SPAG17: variants seen among roughly 807,000 people sequenced by gnomAD.
SPAG17 encodes the protein sperm associated antigen 17.
Under a neutral mutation model 273.6 loss-of-function variants are expected in SPAG17, and 169 were observed. That is an observed-to-expected ratio of 0.62 (90% CI 0.55 to 0.70). The LOEUF is 0.70. SPAG17 is among the 30% of genes least tolerant of loss of function. SPAG17 has a pLI of 0.00. For synonymous variants in SPAG17, 825 were observed against 873.2 expected (o/e 0.94, Z 0.97); for missense variants, 2,557 against 2,627.8 (o/e 0.97, Z 0.59).
At position 118,099,744 on chromosome 1, in the gene SPAG17, G is replaced by A; in HGVS notation, c.691C>T (p.Pro231Ser). The A allele has an allele frequency of 6.2e-7, 1 of 1,613,398 alleles. No homozygotes were observed. The highest frequency in any genetic ancestry group is 8.5e-7 in the Non-Finnish European group (1 of 1,179,888). Residue 231 changes from proline (P) to serine (S), a missense_variant, in exon 6 of 49, where the codon CCT (proline) becomes TCT (serine). Pro to Ser is a moderately conservative substitution (Grantham distance 74). Transcript: ENST00000336338. The stretch of plus-strand genomic sequence containing the variant: ...TCAGCCATAATTGCTAATAGCTGAG[G>A]ATTGTTAAAGCCCACAACTATAATG... Reference protein sequence around the residue: ...HYIIVVGFNNPQLLAIMAELG... With the variant: ...HYIIVVGFNNSQLLAIMAELG...
intron 1 of SPAG17, among the ~76,000 whole-genome samples, chr1:118,152,011 T>C (rs1659414850): frequency 6.6e-6 from 1 of 152,214 alleles, no homozygotes; most frequent in African/African-American, 2.4e-5. Context: ...TTGTTTATTG[T>C]AATTGTAATT....
At chr1:118,078,268 T>C (rs2102131308) in intron 15 of SPAG17, among the ~76,000 whole-genome samples, 1 of 152,252 alleles carries the variant, frequency 6.6e-6, no homozygotes, top group Non-Finnish European at 1.5e-5. Flanking sequence ...TCTTAAAATT[T>C]ATTTTTTCTT....
intron 30 of SPAG17, 54 bp downstream of exon 30, chr1:118,012,174 A>G: frequency 6.4e-7 from 1 of 1,555,054 alleles, no homozygotes; most frequent in Non-Finnish European, 8.8e-7. Context: ...ATTCTATCTA[A>G]CTTACGCTAA....
chr1:118,119,893 A>G (rs1404043888), intron 3 of SPAG17, among the ~76,000 whole-genome samples: 1 of 152,210 alleles, frequency 6.6e-6, no homozygotes, highest in Non-Finnish European at 1.5e-5. Flanking sequence ...TTTTACATAA[A>G]AACACATCCA....
chr1:118,154,764 T>C (rs541518440), intron 1 of SPAG17, among the ~76,000 whole-genome samples: 33 of 152,144 alleles, frequency 2.2e-4, no homozygotes, highest in Non-Finnish European at 3.7e-4. Flanking sequence ...AAAACAAGGG[T>C]AGACCATTGT....
chr1:118,065,013 G>A (rs943064119), intron 18 of SPAG17, among the ~76,000 whole-genome samples: 1 of 151,926 alleles, frequency 6.6e-6, no homozygotes, highest in African/African-American at 2.4e-5. Context: ...GATAAAAGGA[G>A]AAAGAGTTAG....
intron 20 of SPAG17, among the ~76,000 whole-genome samples, chr1:118,053,439 A>C (rs1338224027): frequency 6.6e-6 from 1 of 152,090 alleles, no homozygotes; most frequent in Non-Finnish European, 1.5e-5. Context: ...GAAACAGAAC[A>C]CAACATTCAA....
intron 48 of SPAG17, 145 bp downstream of exon 48, chr1:117,963,654 G>C: frequency 1.4e-6 from 1 of 693,092 alleles, no homozygotes; most frequent in Non-Finnish European, 2.2e-6. Context: ...GTGAGCCACC[G>C]GGCCCGGCCT....
At chr1:118,136,587 C>T (rs901147543) in intron 3 of SPAG17, among the ~76,000 whole-genome samples, 1 of 152,140 alleles carries the variant, frequency 6.6e-6, no homozygotes, top group African/African-American at 2.4e-5. Context: ...TCTTAAATCA[C>T]ATCACACGGC....
chr1:118,043,227 T>C (rs893423650), intron 20 of SPAG17, among the ~76,000 whole-genome samples: 1 of 152,204 alleles, frequency 6.6e-6, no homozygotes, highest in African/African-American at 2.4e-5. Flanking sequence ...GAAAAGGCAG[T>C]ATTTGAACAG....
At chr1:118,074,770 A>C (rs1164272992) in intron 15 of SPAG17, among the ~76,000 whole-genome samples, 170 bp from the exon 16 acceptor site, 3 of 152,228 alleles carry the variant, frequency 2.0e-5, no homozygotes, top group African/African-American at 7.2e-5. Flanking sequence ...CATAATTCTA[A>C]ATCTGTGCCT....
At chr1:118,147,035 G>C (rs920437641) in intron 3 of SPAG17, among the ~76,000 whole-genome samples, 1 of 152,064 alleles carries the variant, frequency 6.6e-6, no homozygotes, top group Admixed American at 6.6e-5. Flanking sequence ...TGTCTCTCAA[G>C]AACTTCACTA....
intron 1 of SPAG17, among the ~76,000 whole-genome samples, chr1:118,164,168 A>AGT (rs1254910285): frequency 2.6e-5 from 4 of 152,122 alleles, no homozygotes; most frequent in Non-Finnish European, 5.9e-5. Context: ...CTCCCATGCT[A>AGT]TTGCCTCTGC....
At chr1:118,152,488 T>C (rs1159254402) in intron 1 of SPAG17, among the ~76,000 whole-genome samples, 1 of 152,220 alleles carries the variant, frequency 6.6e-6, no homozygotes, top group Non-Finnish European at 1.5e-5. Context: ...TTAGTATTAA[T>C]TCTTTCTTAC....
intron 1 of SPAG17, among the ~76,000 whole-genome samples, chr1:118,170,235 G>T (rs995694838): frequency 6.6e-6 from 1 of 152,050 alleles, no homozygotes; most frequent in African/African-American, 2.4e-5. Context: ...AATTATTTTG[G>T]GGGACATATA....
At chr1:118,101,536 A>G (rs1656061639) in intron 5 of SPAG17, among the ~76,000 whole-genome samples, 1 of 152,220 alleles carries the variant, frequency 6.6e-6, no homozygotes, top group Non-Finnish European at 1.5e-5. Flanking sequence ...GGAAAGACTA[A>G]GCATAGTTAT....
chr1:117,960,109 C>CGTGTGTGTGTGTGTGTGTGTGT (rs3059173), intron 48 of SPAG17: 1 of 144,402 alleles, frequency 6.9e-6, no homozygotes, highest in Non-Finnish European at 1.5e-5. Flanking sequence ...TTAATACACT[C>CGTGTGTGTGTGTGTGTGTGTGT]GTGTGTGTGT....
chr1:117,987,885 T>C lies in SPAG17; in HGVS notation c.5622-4A>G, dbSNP rs572937315. 8.7e-6 allele frequency: 14 copies of C among 1,610,892 alleles called. No individual in the cohort carries two copies. The East Asian group carries it at 3.1e-4, about 36-fold the overall frequency. ...GCGTTTTGAGGATGCTGTGTGTCTATGTGAAAGGAAAGGAAAGTATGGTGA... is the reference window on the plus strand; with the variant it reads ...GCGTTTTGAGGATGCTGTGTGTCTACGTGAAAGGAAAGGAAAGTATGGTGA... On this transcript the variant is annotated splice_polypyrimidine_tract_variant and splice_region_variant and intron_variant, in intron 39 of 48. Transcript: ENST00000336338.
At chr1:118,161,560 C>G (rs928429410) in intron 1 of SPAG17, among the ~76,000 whole-genome samples, 1 of 151,828 alleles carries the variant, frequency 6.6e-6, no homozygotes, top group Non-Finnish European at 1.5e-5. Flanking sequence ...TTTTTTTAGA[C>G]GTAGTCTCGC....
Sources: allele counts gnomAD v4.1 joint callset (sites outside exome capture counted in the v4.1 genomes callset), GRCh38; gene constraint gnomAD v4.1.1; transcripts MANE v1.5; gene names NCBI Gene and HGNC (gene_info 2026-07-23, HGNC 2026-07-21).